The following UBE3C variants were observed in gnomAD, a reference collection of about 807,000 sequenced individuals.
The protein encoded by UBE3C is ubiquitin-protein ligase E3C.
Under a neutral mutation model 129.4 loss-of-function variants are expected in UBE3C, and 42 were observed. The ratio of observed to expected loss-of-function variants is 0.32; its 90% CI spans 0.25 to 0.42. The LOEUF (loss-of-function observed/expected upper bound fraction) is 0.42, where lower values mean the gene tolerates loss of function less well. Among genes scored for constraint, UBE3C ranks in the 10% least tolerant of loss-of-function variants. The pLI, the probability that UBE3C is intolerant of heterozygous loss-of-function variation, is 1.00. For missense variants in UBE3C, 1,049 were observed against 1,319.1 expected, an observed-to-expected ratio of 0.80 and a Z score of 3.17; for synonymous variants, 510 against 492.4, an observed-to-expected ratio of 1.04 and a Z score of -0.47.
chr7:157,162,196 A>T (rs920039693), intron 1 of UBE3C, among the ~76,000 whole-genome samples: 5 of 151,448 alleles, frequency 3.3e-5, no homozygotes, highest in Admixed American at 6.6e-5. Context: ...AAGATATTTA[A>T]TTTTTTTTTC....
chr7:157,201,658 TAA>T (rs1809286463), intron 10 of UBE3C, 61 bp from the exon 11 acceptor site: 5 of 567,320 alleles, frequency 8.8e-6, no homozygotes, highest in South Asian at 2.9e-5. Flanking sequence ...TTTTTTTTTT[TAA>T]GAAATGTTTT....
chr7:157,155,952 C>T (rs962340331), intron 1 of UBE3C, among the ~76,000 whole-genome samples: 2 of 151,982 alleles, frequency 1.3e-5, no homozygotes, highest in African/African-American at 4.8e-5. Flanking sequence ...TACTAGGCAT[C>T]CTTACGGGTT....
At chr7:157,217,825 G>A (rs866484067) in intron 14 of UBE3C, among the ~76,000 whole-genome samples, 17 of 151,300 alleles carry the variant, frequency 1.1e-4, no homozygotes, top group African/African-American at 3.9e-4. Flanking sequence ...TGATAAGAGC[G>A]AAATTCCGTC....
chr7:157,220,843 C>A, intron 15 of UBE3C, 67 bp downstream of exon 15: 1 of 1,525,936 alleles, frequency 6.6e-7, no homozygotes, highest in Non-Finnish European at 9.0e-7. Flanking sequence ...CTCCTTTAAT[C>A]TACAGATCTG....
intron 17 of UBE3C, among the ~76,000 whole-genome samples, chr7:157,229,933 T>TA (rs1795978527): frequency 6.6e-6 from 1 of 151,866 alleles, no homozygotes; most frequent in Admixed American, 6.6e-5. Context: ...TATTTTTTTT[T>TA]TTTTTGAGAC....
rs148708650 is a variant in UBE3C at position 157,267,722 on chromosome 7, G to C, written c.3219G>C (p.Ala1073=). The C allele has an allele frequency of 6.2e-7, 1 of 1,611,274 alleles. No individual in the cohort carries two copies. The highest frequency in any genetic ancestry group is 1.1e-5 in the South Asian group (1 of 90,580). The change falls in exon 23 of 23, where the codon GCG becomes GCC. Residue 1073 remains alanine, a synonymous_variant. Transcript: ENST00000348165. Reference sequence around the variant, plus strand: ...TTTTGCGAAGTAAACTTCTCTATGCGATTGAATGTGCCGCTGGCTTTGAGC... The same window carrying C: ...TTTTGCGAAGTAAACTTCTCTATGCCATTGAATGTGCCGCTGGCTTTGAGC... ...ETLLRSKLLY[A]IECAAGFELS
At chr7:157,217,606 G>T (rs867114539) in intron 14 of UBE3C, among the ~76,000 whole-genome samples, 1 of 152,072 alleles carries the variant, frequency 6.6e-6, no homozygotes, top group Non-Finnish European at 1.5e-5. Flanking sequence ...GGAAGCCGAC[G>T]GGCAGATCAC....
intron 6 of UBE3C, among the ~76,000 whole-genome samples, chr7:157,179,207 A>G (rs1808605315): frequency 6.6e-6 from 1 of 152,042 alleles, no homozygotes; most frequent in South Asian, 2.1e-4. Context: ...CCTCCTGGTC[A>G]TTCTGAGTGA....
intron 18 of UBE3C, 186 bp downstream of exon 18, chr7:157,231,513 C>G: frequency 1.3e-6 from 1 of 755,552 alleles, no homozygotes; most frequent in Non-Finnish European, 2.1e-6. Context: ...GTTTGAATGT[C>G]CCCTCCAAAC....
At chr7:157,148,424 C>T (rs928344211) in intron 1 of UBE3C, among the ~76,000 whole-genome samples, 4 of 151,964 alleles carry the variant, frequency 2.6e-5, no homozygotes, top group Non-Finnish European at 5.9e-5. Context: ...AGTTTTAATT[C>T]CTCCCCTATG....
At chr7:157,247,692 CAA>C (rs751049102) in intron 18 of UBE3C, among the ~76,000 whole-genome samples, 1 of 138,074 alleles carries the variant, frequency 7.2e-6, no homozygotes, top group Non-Finnish European at 1.6e-5. Context: ...ACTCCGTCTC[CAA>C]AAAAAAAAAG....
intron 11 of UBE3C, among the ~76,000 whole-genome samples, 177 bp from the exon 12 acceptor site, chr7:157,207,221 A>G (rs992428234): frequency 1.3e-5 from 2 of 152,204 alleles, no homozygotes; most frequent in South Asian, 2.1e-4. Flanking sequence ...GTATTAATCT[A>G]TGCTGTTTAT....
intron 5 of UBE3C, among the ~76,000 whole-genome samples, chr7:157,177,552 C>T (rs943025018): frequency 6.6e-6 from 1 of 152,254 alleles, no homozygotes; most frequent in African/African-American, 2.4e-5. Context: ...CCGCCGCTGC[C>T]CTTTGCGTCC....
chr7:157,233,909 G>T (rs769762458), intron 18 of UBE3C, among the ~76,000 whole-genome samples: 1 of 152,150 alleles, frequency 6.6e-6, no homozygotes, highest in Non-Finnish European at 1.5e-5. Flanking sequence ...GTGGGAATTG[G>T]TATCTCATTG....
At chr7:157,163,946 ATGTG>A in intron 2 of UBE3C, 83 bp downstream of exon 2, 1 of 1,236,860 alleles carries the variant, frequency 8.1e-7, no homozygotes, top group Non-Finnish European at 1.2e-6. Flanking sequence ...GTATATATGT[ATGTG>A]TGTATGTATT....
At chr7:157,225,367 T>C (rs753118229) in intron 16 of UBE3C, 40 bp from the exon 17 acceptor site, 4 of 1,571,322 alleles carry the variant, frequency 2.5e-6, no homozygotes, top group Non-Finnish European at 3.4e-6. Context: ...GTAAGAGGTC[T>C]TTTGTTTCTA....
At chr7:157,157,401 G>A (rs1471328609) in intron 1 of UBE3C, among the ~76,000 whole-genome samples, 1 of 152,120 alleles carries the variant, frequency 6.6e-6, no homozygotes, top group Non-Finnish European at 1.5e-5. Context: ...AAGATGAAAA[G>A]ATAATCAAAT....
At chr7:157,198,481 C>A in intron 10 of UBE3C, 2 of 440,104 alleles carry the variant, frequency 4.5e-6, no homozygotes, top group South Asian at 2.2e-5. Flanking sequence ...CTCTCCTGCT[C>A]ACCGAGCTCA....
At position 157,267,834 on chromosome 7, in the gene UBE3C, C is replaced by T. The variant is rs58776863; in HGVS notation, c.*79C>T. 1.6e-3 allele frequency: 2,033 copies of T among 1,297,960 alleles called. 33 individuals carry two copies. The African/African-American group carries it at 0.028, about 18-fold the overall frequency. The allele number at this position is 1,297,960 out of a possible 1,614,324, so 80.4% of individuals were successfully genotyped here. ...GCGCCTCCCCAGACCCACGAGGATA[C>T]TCACACTGCACGCCTGAGGCTCTCC... On this transcript the variant is annotated 3_prime_UTR_variant, in exon 23 of 23. Transcript: ENST00000348165.
Sources: gnomAD v4.1 joint callset for allele counts (sites outside exome capture counted in the v4.1 genomes callset) on GRCh38, gnomAD v4.1.1 for gene constraint, MANE v1.5 for transcripts, NCBI Gene and HGNC (gene_info 2026-07-23, HGNC 2026-07-21) for gene names.